Variants in HNF4G observed in about 807,000 individuals in gnomAD.
The protein encoded by HNF4G is hepatocyte nuclear factor 4-gamma.
HNF4G carries 21 observed loss-of-function variants against 50.9 expected under a neutral mutation model. The ratio of observed to expected loss-of-function variants is 0.41; its 90% CI spans 0.29 to 0.59. The LOEUF is 0.59. HNF4G is among the 20% of genes least tolerant of loss of function. HNF4G has a pLI of 0.26. For missense variants in HNF4G, 527 were observed against 559.4 expected (o/e 0.94, Z 0.58); for synonymous variants, 198 against 185.6 (o/e 1.07, Z -0.54).
intron 1 of HNF4G, among the ~76,000 whole-genome samples, chr8:75,428,627 C>T (rs1243165804): frequency 6.6e-6 from 1 of 151,684 alleles, no homozygotes; most frequent in East Asian, 1.9e-4. Flanking sequence ...ACTTAGAAAA[C>T]AAAGGAAAAA....
At chr8:75,508,716 C>G (rs773886974) in intron 2 of HNF4G, among the ~76,000 whole-genome samples, 1 of 152,012 alleles carries the variant, frequency 6.6e-6, no homozygotes, top group Non-Finnish European at 1.5e-5. Flanking sequence ...GCCGTAACCA[C>G]GTAGGCAAAC....
chr8:75,427,835 T>C (rs1810923892), intron 1 of HNF4G, among the ~76,000 whole-genome samples: 1 of 152,122 alleles, frequency 6.6e-6, no homozygotes, highest in Admixed American at 6.6e-5. Context: ...ATCAAATAAC[T>C]AATATTTTAT....
At chr8:75,472,475 T>C (rs1812137485) in intron 1 of HNF4G, among the ~76,000 whole-genome samples, 1 of 152,130 alleles carries the variant, frequency 6.6e-6, no homozygotes, top group Admixed American at 6.5e-5. Context: ...TTGAGGGAAG[T>C]TGAGATACTT....
intron 6 of HNF4G, among the ~76,000 whole-genome samples, chr8:75,556,860 G>T (rs943768327): frequency 6.6e-6 from 1 of 151,992 alleles, no homozygotes; most frequent in South Asian, 2.1e-4. Flanking sequence ...TAAATGCACT[G>T]GTCTAAGTAC....
At chr8:75,421,488 C>G (rs1810774523) in intron 1 of HNF4G, among the ~76,000 whole-genome samples, 2 of 152,180 alleles carry the variant, frequency 1.3e-5, no homozygotes, top group African/African-American at 4.8e-5. Context: ...TATTTTCTGG[C>G]ATTTACGAAA....
In HNF4G at chr8:75,566,570, T is replaced by C. The variant is rs1807467643; in HGVS notation, c.*2474T>C. 1 of 152,490 alleles carries C rather than the reference T, an allele frequency of 6.6e-6. No individual in the cohort carries two copies. The highest frequency in any genetic ancestry group is 1.5e-5 in the Non-Finnish European group (1 of 68,012). The allele number at this position is 152,490 out of a possible 1,614,324, so 9.4% of individuals were successfully genotyped here. On this transcript the variant is annotated 3_prime_UTR_variant, in exon 10 of 10. Coordinates refer to ENST00000396423, the MANE Select transcript of HNF4G (RefSeq NM_004133.5). ...AGATGCTGGAAAAAAGGAACTGATG[T>C]TTTCAGCATATTTTCAAAATATTGA...
At chr8:75,516,942 G>A (rs898344119) in intron 2 of HNF4G, among the ~76,000 whole-genome samples, 2 of 152,078 alleles carry the variant, frequency 1.3e-5, no homozygotes, top group Middle Eastern at 3.2e-3. Context: ...ACCCAAGACT[G>A]GGTAACTTAT....
chr8:75,500,436 A>C (rs970851469), intron 2 of HNF4G, among the ~76,000 whole-genome samples: 10 of 152,152 alleles, frequency 6.6e-5, no homozygotes, highest in African/African-American at 2.4e-4. Flanking sequence ...AAAATGGCCA[A>C]CTGCTCTGGG....
At chr8:75,512,465 T>C (rs932423259) in intron 2 of HNF4G, among the ~76,000 whole-genome samples, 1 of 149,370 alleles carries the variant, frequency 6.7e-6, no homozygotes, top group Non-Finnish European at 1.5e-5. Context: ...ATTATTATTA[T>C]TATTATTGTT....
chr8:75,550,130 C>T (rs1045484185), intron 3 of HNF4G, among the ~76,000 whole-genome samples: 4 of 152,064 alleles, frequency 2.6e-5, no homozygotes, highest in Admixed American at 6.6e-5. Flanking sequence ...CAAAAGCATA[C>T]TTGCAGAAAA....
intron 1 of HNF4G, among the ~76,000 whole-genome samples, chr8:75,417,132 C>T (rs1810660060): frequency 1.3e-5 from 2 of 152,172 alleles, no homozygotes; most frequent in Non-Finnish European, 2.9e-5. Context: ...CACACACACA[C>T]ACACACACAC....
At chr8:75,456,425 T>G (rs144064248) in intron 1 of HNF4G, among the ~76,000 whole-genome samples, 40 of 152,284 alleles carry the variant, frequency 2.6e-4, no homozygotes, top group African/African-American at 8.9e-4. Flanking sequence ...AAATCCCTTT[T>G]TTATCTTCCT....
chr8:75,467,864 A>T (rs892056267), intron 1 of HNF4G, among the ~76,000 whole-genome samples: 4 of 152,116 alleles, frequency 2.6e-5, no homozygotes, highest in Non-Finnish European at 5.9e-5. Flanking sequence ...TGGACCATGG[A>T]AACTGAGTTG....
intron 1 of HNF4G, among the ~76,000 whole-genome samples, chr8:75,461,419 C>T (rs1025448261): frequency 6.6e-5 from 10 of 152,122 alleles, no homozygotes; most frequent in African/African-American, 1.7e-4. Flanking sequence ...ACCCTTCTTC[C>T]TCTCTTTTTC....
At chr8:75,501,827 C>T (rs1812935503) in intron 2 of HNF4G, among the ~76,000 whole-genome samples, 1 of 118,132 alleles carries the variant, frequency 8.5e-6, no homozygotes, top group African/African-American at 4.2e-5. Flanking sequence ...ACATAATTAT[C>T]TTTTTTTCAT....
At chr8:75,437,668 C>T (rs936823298) in intron 1 of HNF4G, among the ~76,000 whole-genome samples, 1 of 151,390 alleles carries the variant, frequency 6.6e-6, no homozygotes, top group African/African-American at 2.4e-5. Flanking sequence ...AGTGAGACTC[C>T]GTCTCAAAAA....
At chr8:75,560,207 C>A in intron 8 of HNF4G, 137 bp from the exon 9 acceptor site, 1 of 750,614 alleles carries the variant, frequency 1.3e-6, no homozygotes. Flanking sequence ...GTGGTTCTGT[C>A]AATTTATTTT....
Position 75,497,133 on chromosome 8 carries a change from G to A in HNF4G, c.-24+6925G>A, listed in dbSNP as rs901483756. On this transcript the variant is annotated intron_variant, in intron 2 of 10. Transcript: ENST00000354370. ...TGAGGACTAAGAACCAAACAGGGTT[G>A]TGTATTATCTCTGTTTTAAAACAAA... Among the ~76,000 whole-genome samples the A allele has an allele frequency of 8.5e-5, 13 of 152,140 alleles. No homozygotes were observed. In the East Asian group the frequency reaches 1.7e-3, roughly 20 times the overall value.
intron 2 of HNF4G, among the ~76,000 whole-genome samples, chr8:75,492,428 A>G (rs1309905676): frequency 6.6e-6 from 1 of 152,216 alleles, no homozygotes; most frequent in African/African-American, 2.4e-5. Flanking sequence ...AAGGCTGGTT[A>G]AAGCAGAGTA....
Sources: gnomAD v4.1 joint callset for allele counts (sites outside exome capture counted in the v4.1 genomes callset) on GRCh38, gnomAD v4.1.1 for gene constraint, MANE v1.5 for transcripts, NCBI Gene and HGNC (gene_info 2026-07-23, HGNC 2026-07-21) for gene names.